Variants in FARP2 observed in about 807,000 individuals in gnomAD.
FARP2 encodes FERM, ARH/RhoGEF and pleckstrin domain protein 2, also known as FERM, ARHGEF and pleckstrin domain-containing protein 2.
Under a neutral mutation model 130.5 loss-of-function variants are expected in FARP2, and 111 were observed. The ratio of observed to expected loss-of-function variants is 0.85; its 90% CI spans 0.73 to 1.00. FARP2 has a LOEUF of 1.00. Ranked by LOEUF, FARP2 falls within the 50% of genes least tolerant of loss-of-function variation. The probability of loss-of-function intolerance (pLI) is 0.00; values close to 1 mark genes in which losing one functional copy is unlikely to be tolerated. For synonymous variants in FARP2, 504 were observed against 516.9 expected (o/e 0.98, Z 0.34); for missense variants, 1,385 against 1,346.3 (o/e 1.03, Z -0.45).
At chr2:241,443,452 C>A (rs938748239) in intron 13 of FARP2, 3 of 152,448 alleles carry the variant, frequency 2.0e-5, no homozygotes, top group African/African-American at 4.8e-5. Context: ...CCAGACACAC[C>A]ATGGGCATCA....
intron 21 of FARP2, among the ~76,000 whole-genome samples, chr2:241,486,899 C>T (rs1317062766): frequency 6.6e-6 from 1 of 152,226 alleles, no homozygotes; most frequent in African/African-American, 2.4e-5. Context: ...GTGCTAGGCA[C>T]CTGTCTCTCT....
At position 241,394,659 on chromosome 2, in the gene FARP2, A is replaced by G. The variant is rs539553921; in HGVS notation, c.184-9169A>G. 3.2e-4 allele frequency among the ~76,000 whole-genome samples: 48 copies of G among 152,356 alleles called. 2 individuals are homozygous for G. In the South Asian group the frequency reaches 9.1e-3, roughly 29 times the overall value. Reference sequence around the variant, plus strand: ...TGAACCTGTGGAAAATTACTTTGGCAAGAATTCTTGAAAAAAGTTTGGTTT... The same window carrying G: ...TGAACCTGTGGAAAATTACTTTGGCGAGAATTCTTGAAAAAAGTTTGGTTT... On this transcript the variant is annotated intron_variant, in intron 2 of 26. Coordinates refer to ENST00000264042, the MANE Select transcript of FARP2 (RefSeq NM_014808.4).
chr2:241,454,334 C>T (rs2063775693), intron 13 of FARP2, among the ~76,000 whole-genome samples: 1 of 152,170 alleles, frequency 6.6e-6, no homozygotes, highest in Non-Finnish European at 1.5e-5. Flanking sequence ...GACACAAGGG[C>T]AGAATAGTGA....
chr2:241,442,774 G>A (rs2063420368), intron 13 of FARP2: 1 of 298,246 alleles, frequency 3.4e-6, no homozygotes, highest in Non-Finnish European at 6.5e-6. Flanking sequence ...CCTCCTAGAG[G>A]ACCGATAAAT....
At chr2:241,408,359 G>A (rs1394620350) in intron 5 of FARP2, among the ~76,000 whole-genome samples, 4 of 151,424 alleles carry the variant, frequency 2.6e-5, no homozygotes, top group Non-Finnish European at 4.4e-5. Flanking sequence ...GTGACAGAGC[G>A]AGACTCCGTC....
At chr2:241,425,789 G>A (rs1268246677) in intron 8 of FARP2, among the ~76,000 whole-genome samples, 1 of 144,406 alleles carries the variant, frequency 6.9e-6, no homozygotes, top group Non-Finnish European at 1.5e-5. Context: ...TTGTTGCCCA[G>A]GCTGGAGTGC....
intron 1 of FARP2, chr2:241,372,709 G>A (rs576525001): frequency 6.5e-6 from 1 of 154,252 alleles, no homozygotes; most frequent in South Asian, 2.1e-4. Flanking sequence ...GGCGAGAGGT[G>A]TGCCAGGGAG....
rs200696892 is a variant in FARP2 at position 241,456,703 on chromosome 2, C to G, written c.1412-44C>G. The G allele has an allele frequency of 1.0e-5, 16 of 1,603,958 alleles. No homozygotes were observed. In the Admixed American group the frequency reaches 2.7e-4, roughly 27 times the overall value. ...AGCGGCTCTAAGCCAGCCTCACAGC[C>G]CTTTCTCATTTCTCGCTCCATCCCC... is the stretch of plus-strand genomic sequence containing the variant. On this transcript the variant is annotated intron_variant, in intron 13 of 26. Transcript: ENST00000264042.
rs1205828830 is a variant in FARP2, at chr2:241,413,253, A to G, written c.509-54A>G. The G allele has an allele frequency of 2.2e-5, 25 of 1,146,840 alleles. 1 individual carries two copies. The highest frequency in any genetic ancestry group is 3.8e-4 in the Middle Eastern group (2 of 5,200). The allele number at this position is 1,146,840 out of a possible 1,614,324, so 71.0% of individuals were successfully genotyped here. ...ACTTTTAATGTATGCAATGACACAT[A>G]CAAATGCTTGTAGTTTATTTAAAAA... is the stretch of plus-strand genomic sequence containing the variant. On this transcript the variant is annotated intron_variant, in intron 6 of 26. Coordinates refer to ENST00000264042, the MANE Select transcript of FARP2 (RefSeq NM_014808.4).
At chr2:241,364,364 A>G (rs1295857431) in intron 1 of FARP2, among the ~76,000 whole-genome samples, 2 of 152,240 alleles carry the variant, frequency 1.3e-5, no homozygotes, top group African/African-American at 4.8e-5. Context: ...CCCCAAGGAA[A>G]TCCACATAAG....
intron 1 of FARP2, among the ~76,000 whole-genome samples, chr2:241,371,213 G>A (rs984319390): frequency 6.6e-6 from 1 of 152,152 alleles, no homozygotes; most frequent in African/African-American, 2.4e-5. Flanking sequence ...TTCTAGGTGT[G>A]GTGGCTCGCC....
chr2:241,443,798 A>G (rs900838007), intron 13 of FARP2: 1 of 152,286 alleles, frequency 6.6e-6, no homozygotes, highest in Non-Finnish European at 1.5e-5. Flanking sequence ...GATCTTACCT[A>G]GTAGTGCAAT....
Position 241,413,339 on chromosome 2 carries a change from C to G in FARP2, c.541C>G (p.Arg181Gly). 6.2e-7 allele frequency: 1 copy of G among 1,611,512 alleles called. No homozygotes were observed. The highest frequency in any genetic ancestry group is 8.5e-7 in the Non-Finnish European group (1 of 1,179,102). Reference sequence around the variant, plus strand: ...AGGAGATTACGATGAAACGCTGGACCGAGAGCACCTCAAAGTGAACGAGTA... The same window carrying G: ...AGGAGATTACGATGAAACGCTGGACGGAGAGCACCTCAAAGTGAACGAGTA... ...EIGDYDETLDREHLKVNEYLP... is the reference protein window; with the variant it reads ...EIGDYDETLDGEHLKVNEYLP... The change falls in exon 7 of 27, where the codon CGA becomes GGA. Residue 181 changes from arginine to glycine, a missense_variant. Transcript: ENST00000264042.
intron 2 of FARP2, among the ~76,000 whole-genome samples, chr2:241,392,217 A>G (rs1028252584): frequency 1.3e-5 from 2 of 152,234 alleles, no homozygotes; most frequent in African/African-American, 4.8e-5. Context: ...TCTCCTGCAC[A>G]CAGCTAGCAA....
intron 6 of FARP2, 54 bp downstream of exon 6, chr2:241,411,184 C>A (rs2062508854): frequency 5.7e-6 from 7 of 1,230,844 alleles, no homozygotes; most frequent in African/African-American, 1.5e-5. Context: ...ACAGATATAC[C>A]CGCACTCAGA....
Position 241,369,656 on chromosome 2 carries a change from A to G in FARP2, c.-24-3428A>G, listed in dbSNP as rs1218182221. On this transcript the variant is annotated intron_variant, in intron 1 of 26. Coordinates refer to ENST00000264042, the MANE Select transcript of FARP2 (RefSeq NM_014808.4). ...AAAACATAAATGAGAATTATACAGT[A>G]GAATAAATAAGAGAAATGACTTCTA... is the stretch of plus-strand genomic sequence containing the variant. Among the ~76,000 whole-genome samples the G allele has an allele frequency of 2.0e-5, 3 of 152,192 alleles. No homozygotes were observed. In the East Asian group the frequency reaches 5.8e-4, roughly 29 times the overall value.
chr2:241,427,087 T>C (rs1016410568), intron 8 of FARP2, among the ~76,000 whole-genome samples: 2 of 151,916 alleles, frequency 1.3e-5, no homozygotes, highest in Non-Finnish European at 2.9e-5. Context: ...ATACAAAAAT[T>C]AGCCAGGTGT....
At chr2:241,464,573 T>C (rs2064120024) in intron 17 of FARP2, among the ~76,000 whole-genome samples, 2 of 152,056 alleles carry the variant, frequency 1.3e-5, no homozygotes, top group South Asian at 4.2e-4. Context: ...CAGAGCAGGG[T>C]CCACCCAAAA....
intron 8 of FARP2, among the ~76,000 whole-genome samples, chr2:241,418,569 CAAACT>C (rs1453647768): frequency 6.6e-6 from 1 of 152,160 alleles, no homozygotes; most frequent in Non-Finnish European, 1.5e-5. Flanking sequence ...TTTCAGTAAA[CAAACT>C]AGAATAGAAT....
Sources: allele counts gnomAD v4.1 joint callset (sites outside exome capture counted in the v4.1 genomes callset), GRCh38; gene constraint gnomAD v4.1.1; transcripts MANE v1.5; gene names NCBI Gene and HGNC (gene_info 2026-07-23, HGNC 2026-07-21).